The following DPF3 variants were observed in gnomAD, a reference collection of about 807,000 sequenced individuals.
DPF3 encodes zinc finger protein DPF3.
A neutral mutation model predicts 56.8 loss-of-function variants in DPF3; 18 were observed. The observed-to-expected ratio is 0.32, with a 90% confidence interval of 0.22 to 0.47. DPF3 has a LOEUF of 0.47. Ranked by LOEUF, DPF3 falls within the 20% of genes least tolerant of loss-of-function variation. The probability of loss-of-function intolerance (pLI) is 1.00; values close to 1 mark genes in which losing one functional copy is unlikely to be tolerated. For synonymous variants in DPF3, 188 were observed against 180.2 expected (o/e 1.04, Z -0.35); for missense variants, 403 against 488.8 (o/e 0.82, Z 1.65).
rs139769591 is a variant in DPF3 at position 72,860,786 on chromosome 14, G to A, written c.32+33271C>T. On this transcript the variant is annotated intron_variant, in intron 1 of 10. Transcript: ENST00000556509. ...TCACCATGTTGGCCAGGCTGGTCTC[G>A]AACTCCTAGCCTCAGGTAATCCACC... Among the ~76,000 whole-genome samples, 1,197 of 151,130 alleles carry A rather than the reference G, an allele frequency of 7.9e-3. 13 individuals are homozygous for A. Among genetic ancestry groups the A allele is most frequent in the African/African-American group, 0.028 (1,135 of 41,146 alleles).
chr14:72,664,594 C>T lies in DPF3; in HGVS notation c.871+9646G>A, dbSNP rs115607102. Reference sequence around the variant, plus strand: ...ACCCCTGTCCTGACATCCCCCTTTTCTCTCCTTTACCCCTCACCACCACCT... The same window carrying T: ...ACCCCTGTCCTGACATCCCCCTTTTTTCTCCTTTACCCCTCACCACCACCT... On this transcript the variant is annotated intron_variant, in intron 8 of 10. Transcript: ENST00000556509. 4.3e-3 allele frequency among the ~76,000 whole-genome samples: 629 copies of T among 147,750 alleles called. 4 individuals are homozygous for T. The highest frequency in any genetic ancestry group is 0.015 in the African/African-American group (600 of 39,830).
chr14:72,888,522 A>C (rs1886635058), intron 1 of DPF3, among the ~76,000 whole-genome samples: 1 of 152,236 alleles, frequency 6.6e-6, no homozygotes, highest in Admixed American at 6.5e-5. Flanking sequence ...AAAACTTTGG[A>C]ATTTGCAATG....
At chr14:72,642,838 A>G (rs932497744) in intron 8 of DPF3, among the ~76,000 whole-genome samples, 34 of 152,228 alleles carry the variant, frequency 2.2e-4, no homozygotes, top group African/African-American at 7.5e-4. Context: ...AGTAAGCCAA[A>G]CTGATATGAG....
At chr14:72,836,323 A>C (rs1884292877) in intron 1 of DPF3, 21 of 985,372 alleles carry the variant, frequency 2.1e-5, no homozygotes, top group Non-Finnish European at 2.5e-5. Context: ...CTGGATAATA[A>C]AGTGACCGAA....
At chr14:72,808,303 T>C (rs73304112) in intron 1 of DPF3, among the ~76,000 whole-genome samples, 4,728 of 152,182 alleles carry the variant, frequency 0.031, 253 homozygotes, top group African/African-American at 0.11. Flanking sequence ...CACTACAGCA[T>C]CCAAACATCC....
intron 7 of DPF3, among the ~76,000 whole-genome samples, chr14:72,676,217 G>C (rs1886900664): frequency 6.6e-6 from 1 of 152,180 alleles, no homozygotes; most frequent in Non-Finnish European, 1.5e-5. Context: ...ATATGAGCTA[G>C]ATATAAAATG....
rs560098594 is a variant in DPF3 at position 72,827,719 on chromosome 14, A to T, written c.33-55826T>A. Among the ~76,000 whole-genome samples the T allele has an allele frequency of 4.6e-5, 7 of 151,880 alleles. No individual in the cohort carries two copies. In the South Asian group the frequency reaches 1.5e-3, roughly 32 times the overall value. On this transcript the variant is annotated intron_variant, in intron 1 of 10. Transcript: ENST00000556509. ...GGTCTCAAACTCCTGACCTCAGGTG[A>T]TCTGCCTGCCTCAGCCTCCCAAAGT...
intron 6 of DPF3, among the ~76,000 whole-genome samples, chr14:72,703,994 A>G (rs1888297160): frequency 6.6e-6 from 1 of 152,256 alleles, no homozygotes; most frequent in South Asian, 2.1e-4. Context: ...TTGTTTTTAC[A>G]CAATTTCTCA....
chr14:72,717,590 A>G (rs1372591868), intron 5 of DPF3, among the ~76,000 whole-genome samples: 2 of 152,228 alleles, frequency 1.3e-5, no homozygotes, highest in African/African-American at 4.8e-5. Flanking sequence ...CAAAAATGGC[A>G]TTCTATACTT....
intron 1 of DPF3, among the ~76,000 whole-genome samples, chr14:72,829,310 C>A (rs1883950921): frequency 6.6e-6 from 1 of 152,184 alleles, no homozygotes; most frequent in Non-Finnish European, 1.5e-5. Flanking sequence ...AATCAAACTC[C>A]AGGAGCCCCA....
chr14:72,611,196 G>T lies in DPF3; in HGVS notation c.*8101C>A, dbSNP rs1025254829. On this transcript the variant is annotated 3_prime_UTR_variant, in exon 11 of 11. Transcript: ENST00000556509. Reference sequence around the variant, plus strand: ...ACCTTCCCCCAAGCCCAGGCATTTTGCTTGAAAGCAAGGTTGGTGTGGCTT... The same window carrying T: ...ACCTTCCCCCAAGCCCAGGCATTTTTCTTGAAAGCAAGGTTGGTGTGGCTT... Among the ~76,000 whole-genome samples the T allele has an allele frequency of 1.3e-5, 2 of 152,230 alleles. No individual in the cohort carries two copies. The highest frequency in any genetic ancestry group is 4.8e-5 in the African/African-American group (2 of 41,450).
At chr14:72,850,795 G>A (rs78814754) in intron 1 of DPF3, among the ~76,000 whole-genome samples, 1 of 136,764 alleles carries the variant, frequency 7.3e-6, no homozygotes, top group African/African-American at 2.6e-5. Context: ...TGGGGCGTGT[G>A]TGCATGTGTG....
intron 2 of DPF3, among the ~76,000 whole-genome samples, chr14:72,760,236 C>G (rs2139918990): frequency 6.6e-6 from 1 of 152,264 alleles, no homozygotes; most frequent in African/African-American, 2.4e-5. Flanking sequence ...TTTGGGAGGC[C>G]AAGGCAGGCA....
intron 1 of DPF3, among the ~76,000 whole-genome samples, chr14:72,780,569 A>T (rs1440798247): frequency 1.3e-5 from 2 of 152,200 alleles, no homozygotes; most frequent in African/African-American, 2.4e-5. Context: ...CCATGGGAAC[A>T]TGAGGTGAGC....
intron 1 of DPF3, among the ~76,000 whole-genome samples, chr14:72,833,578 A>T (rs928471620): frequency 3.3e-5 from 5 of 152,030 alleles, no homozygotes; most frequent in African/African-American, 1.2e-4. Flanking sequence ...GAAAAAAAAA[A>T]TTTAAGGGCA....
intron 3 of DPF3, among the ~76,000 whole-genome samples, chr14:72,745,473 A>G (rs1402490708): frequency 6.6e-6 from 1 of 152,194 alleles, no homozygotes; most frequent in Non-Finnish European, 1.5e-5. Context: ...AAAAATATAT[A>G]CCCAATATAT....
At chr14:72,842,407 T>G (rs1884582831) in intron 1 of DPF3, among the ~76,000 whole-genome samples, 1 of 152,206 alleles carries the variant, frequency 6.6e-6, no homozygotes, top group Non-Finnish European at 1.5e-5. Context: ...TGAGAATGAA[T>G]GATCTACAAC....
At chr14:72,797,855 G>A (rs977553125) in intron 1 of DPF3, among the ~76,000 whole-genome samples, 9 of 152,084 alleles carry the variant, frequency 5.9e-5, no homozygotes, top group East Asian at 1.9e-4. Context: ...CCATTTCTAC[G>A]TCTATAAAAT....
At chr14:72,784,883 G>C (rs1170693297) in intron 1 of DPF3, among the ~76,000 whole-genome samples, 1 of 152,062 alleles carries the variant, frequency 6.6e-6, no homozygotes. Flanking sequence ...CTTGAACCCA[G>C]AAGGCGGAGG....
Sources: allele counts gnomAD v4.1 joint callset (sites outside exome capture counted in the v4.1 genomes callset), GRCh38; gene constraint gnomAD v4.1.1; transcripts MANE v1.5; gene names NCBI Gene and HGNC (gene_info 2026-07-23, HGNC 2026-07-21).